The following IL1RAPL2 variants were observed in gnomAD, a reference collection of about 807,000 sequenced individuals.
IL1RAPL2 encodes X-linked interleukin-1 receptor accessory protein-like 2.
A neutral mutation model predicts 44.1 loss-of-function variants in IL1RAPL2; 3 were observed. That is an observed-to-expected ratio of 0.07 (90% CI 0.03 to 0.18). IL1RAPL2 has a LOEUF of 0.18. IL1RAPL2 is among the 10% of genes least tolerant of loss of function. The probability of loss-of-function intolerance (pLI) is 1.00; values close to 1 mark genes in which losing one functional copy is unlikely to be tolerated. For synonymous variants in IL1RAPL2, 181 were observed against 178.8 expected (o/e 1.01, Z -0.10); for missense variants, 391 against 496.4 (o/e 0.79, Z 2.02).
At chrX:105,219,259 GAGA>G in intron 3 of IL1RAPL2, 1 of 1,211,104 alleles carries the variant, frequency 8.3e-7, no homozygotes, top group Non-Finnish European at 1.1e-6. Context: ...GGGTATGTCT[GAGA>G]AGGAGGAAAA....
chrX:104,950,868 C>T (rs757116986), intron 2 of IL1RAPL2, among the ~76,000 whole-genome samples: 8 of 111,002 alleles, frequency 7.2e-5, no homozygotes, highest in South Asian at 3.8e-4. Flanking sequence ...CCACCTCGCC[C>T]GGCTAATTCT....
At chrX:104,693,394 G>A (rs944203399) in intron 2 of IL1RAPL2, among the ~76,000 whole-genome samples, 1 of 111,555 alleles carries the variant, frequency 9.0e-6, no homozygotes, top group African/African-American at 3.3e-5. Context: ...TCCACTTGAG[G>A]GACCAATAGG....
intron 5 of IL1RAPL2, among the ~76,000 whole-genome samples, chrX:105,308,681 G>A (rs1219527727): frequency 2.7e-5 from 3 of 112,381 alleles, no homozygotes; most frequent in Admixed American, 1.9e-4. Context: ...CTAAAGATCC[G>A]TCGTCCTGTT....
chrX:104,766,846 CTTTG>C (rs2147594972), intron 2 of IL1RAPL2, among the ~76,000 whole-genome samples: 1 of 112,129 alleles, frequency 8.9e-6, no homozygotes, highest in South Asian at 3.7e-4. Flanking sequence ...TCTATTTTTG[CTTTG>C]TTTTTTAGTA....
At chrX:105,016,069 G>A (rs1051624166) in intron 2 of IL1RAPL2, among the ~76,000 whole-genome samples, 23 of 111,067 alleles carry the variant, frequency 2.1e-4, no homozygotes, top group Non-Finnish European at 4.2e-4. Flanking sequence ...TATTCTCTTT[G>A]TAGCAATTGT....
At chrX:104,778,554 C>T (rs1051622268) in intron 2 of IL1RAPL2, among the ~76,000 whole-genome samples, 3 of 84,682 alleles carry the variant, frequency 3.5e-5, no homozygotes, top group East Asian at 3.5e-4. Context: ...AGTGAGACTC[C>T]GTCTCAAATA....
intron 1 of IL1RAPL2, among the ~76,000 whole-genome samples, chrX:104,634,320 G>A (rs1431570133): frequency 1.8e-5 from 2 of 111,878 alleles, no homozygotes; most frequent in African/African-American, 6.5e-5. Context: ...TGTATATTCT[G>A]TTGATTTGGG....
intron 6 of IL1RAPL2, among the ~76,000 whole-genome samples, chrX:105,671,444 A>T (rs1272554595): frequency 1.8e-5 from 2 of 111,156 alleles, no homozygotes; most frequent in Non-Finnish European, 3.8e-5. Flanking sequence ...AGGCAGTTTT[A>T]TTTCTTTATT....
chrX:105,245,868 G>T (rs1380459352), intron 4 of IL1RAPL2, among the ~76,000 whole-genome samples: 1 of 112,350 alleles, frequency 8.9e-6, no homozygotes, highest in Admixed American at 9.4e-5. Context: ...CTATCACTTT[G>T]AATTCTCCTT....
At chrX:104,698,687 T>A (rs948357373) in intron 2 of IL1RAPL2, among the ~76,000 whole-genome samples, 1 of 112,120 alleles carries the variant, frequency 8.9e-6, no homozygotes, top group African/African-American at 3.2e-5. Context: ...ATGCCGGCTT[T>A]CATGATATCT....
chrX:105,416,019 T>C (rs933819866), intron 5 of IL1RAPL2, among the ~76,000 whole-genome samples: 3 of 111,731 alleles, frequency 2.7e-5, no homozygotes, highest in Non-Finnish European at 3.8e-5. Flanking sequence ...GAAATGATGC[T>C]TTCAAAATTA....
intron 2 of IL1RAPL2, among the ~76,000 whole-genome samples, chrX:104,750,601 G>C (rs1932241911): frequency 9.0e-6 from 1 of 110,918 alleles, no homozygotes; most frequent in Non-Finnish European, 1.9e-5. Flanking sequence ...AGACTGGAGA[G>C]GAGGTTAGTT....
chrX:104,600,402 C>T (rs1407611549), intron 1 of IL1RAPL2, among the ~76,000 whole-genome samples: 1 of 111,402 alleles, frequency 9.0e-6, no homozygotes, highest in Non-Finnish European at 1.9e-5. Flanking sequence ...TTCACTGTAC[C>T]TATTCAAAAG....
intron 6 of IL1RAPL2, among the ~76,000 whole-genome samples, chrX:105,580,184 A>G (rs1009086913): frequency 1.8e-5 from 2 of 111,414 alleles, no homozygotes; most frequent in Non-Finnish European, 3.8e-5. Context: ...CCTGCCCCAA[A>G]TCGCACATTT....
At chrX:104,666,748 G>A in intron 2 of IL1RAPL2, among the ~76,000 whole-genome samples, 1 of 111,529 alleles carries the variant, frequency 9.0e-6, no homozygotes, top group Middle Eastern at 4.6e-3. Flanking sequence ...ACTTCTACAG[G>A]TGTAATTTGC....
At chrX:104,905,610 T>C (rs1401739760) in intron 2 of IL1RAPL2, among the ~76,000 whole-genome samples, 2 of 111,690 alleles carry the variant, frequency 1.8e-5, no homozygotes, top group African/African-American at 3.3e-5. Context: ...GATCAGATAG[T>C]TGTAGATATG....
intron 6 of IL1RAPL2, among the ~76,000 whole-genome samples, chrX:105,587,723 T>A (rs147930215): frequency 8.9e-6 from 1 of 111,961 alleles, no homozygotes; most frequent in East Asian, 2.8e-4. Context: ...AATTTCTAAC[T>A]TGATCCTGAA....
intron 5 of IL1RAPL2, among the ~76,000 whole-genome samples, chrX:105,369,758 G>T (rs1396359035): frequency 4.5e-5 from 5 of 111,078 alleles, no homozygotes; most frequent in Non-Finnish European, 9.4e-5. Flanking sequence ...GCTGGTAAGG[G>T]CTATAAAAGT....
At chrX:104,941,937 C>T (rs1258323536) in intron 2 of IL1RAPL2, among the ~76,000 whole-genome samples, 1 of 111,635 alleles carries the variant, frequency 9.0e-6, no homozygotes, top group Non-Finnish European at 1.9e-5. Flanking sequence ...GTTTTCCCAG[C>T]ACCATTTATT....
Sources: allele counts gnomAD v4.1 joint callset (sites outside exome capture counted in the v4.1 genomes callset), GRCh38; gene constraint gnomAD v4.1.1; transcripts MANE v1.5; gene names NCBI Gene and HGNC (gene_info 2026-07-23, HGNC 2026-07-21).